ANO4: variants seen among roughly 807,000 people sequenced by gnomAD.
ANO4 encodes anoctamin 4, also known as anoctamin-4.
Under a neutral mutation model 141.9 loss-of-function variants are expected in ANO4, and 69 were observed. The ratio of observed to expected loss-of-function variants is 0.49; its 90% CI spans 0.40 to 0.59. The LOEUF is 0.59. Ranked by LOEUF, ANO4 falls within the 20% of genes least tolerant of loss-of-function variation. The pLI, the probability that ANO4 is intolerant of heterozygous loss-of-function variation, is 0.00. For missense variants in ANO4, 894 were observed against 1,162.2 expected (o/e 0.77, Z 3.36); for synonymous variants, 350 against 394.3 (o/e 0.89, Z 1.33).
rs780211110 is a variant in ANO4 at position 101,040,034 on chromosome 12, C to T, written c.977C>T (p.Ser326Phe). 2 of 1,612,798 alleles carry T rather than the reference C, an allele frequency of 1.2e-6. No homozygotes were observed. Among genetic ancestry groups the T allele is most frequent in the East Asian group, 2.2e-5 (1 of 44,862 alleles). ...CATCTACTCTATGAGTGCTGGGCCTCCTGGGGCGTGTGGTATAAATACCAA... is the reference window on the plus strand; with the variant it reads ...CATCTACTCTATGAGTGCTGGGCCTTCTGGGGCGTGTGGTATAAATACCAA... ...HRHLLYECWA[S>F]WGVWYKYQPL... is the part of the protein sequence containing the mutation. The change falls in exon 11 of 28, where the codon TCC (serine) becomes TTC (phenylalanine). Residue 326 changes from serine to phenylalanine, a missense_variant. By Grantham distance (155) the Ser-to-Phe change is radical. Transcript: ENST00000392977.
intron 3 of ANO4, among the ~76,000 whole-genome samples, chr12:100,926,272 G>T (rs1043131893): frequency 6.6e-6 from 1 of 152,036 alleles, no homozygotes; most frequent in Non-Finnish European, 1.5e-5. Context: ...ATCTTTTAGT[G>T]TGCATACCCT....
chr12:100,832,150 AC>A (rs1326755313), intron 1 of ANO4, among the ~76,000 whole-genome samples: 1 of 151,716 alleles, frequency 6.6e-6, no homozygotes, highest in African/African-American at 2.4e-5. Context: ...CTCATTCCCC[AC>A]CCCCCAATCC....
chr12:100,904,922 G>A (rs968213328), intron 2 of ANO4, among the ~76,000 whole-genome samples: 1 of 152,186 alleles, frequency 6.6e-6, no homozygotes. Context: ...TGAGAATTTA[G>A]AGTCTGGATA....
chr12:100,772,680 G>A (rs752080127), intron 3 of ANO4, among the ~76,000 whole-genome samples: 3 of 152,124 alleles, frequency 2.0e-5, no homozygotes, highest in African/African-American at 2.4e-5. Context: ...ACTACCAACC[G>A]ATTAAGTAGA....
At chr12:100,754,975 C>A (rs2032546706) in intron 3 of ANO4, among the ~76,000 whole-genome samples, 1 of 152,132 alleles carries the variant, frequency 6.6e-6, no homozygotes. Context: ...TGTTTTGGAA[C>A]TGGGTAGTGA....
chr12:100,869,497 T>A (rs2038927928), intron 1 of ANO4, among the ~76,000 whole-genome samples: 1 of 152,170 alleles, frequency 6.6e-6, no homozygotes. Context: ...TTCATATTTG[T>A]CCGTGTCTGC....
chr12:101,056,484 G>A (rs1296601122), intron 14 of ANO4, among the ~76,000 whole-genome samples: 1 of 151,956 alleles, frequency 6.6e-6, no homozygotes, highest in Admixed American at 6.6e-5. Context: ...AGTGCTTCTA[G>A]CTTTTTTATA....
chr12:100,765,277 G>A (rs1049224809), intron 3 of ANO4, among the ~76,000 whole-genome samples: 4 of 151,650 alleles, frequency 2.6e-5, no homozygotes, highest in Non-Finnish European at 4.4e-5. Context: ...CTGTGGTCTT[G>A]GTCCTGATAC....
intron 17 of ANO4, among the ~76,000 whole-genome samples, chr12:101,092,627 G>A (rs1351734949): frequency 1.3e-5 from 2 of 152,094 alleles, no homozygotes; most frequent in Non-Finnish European, 2.9e-5. Context: ...ATATGAAGTA[G>A]TCACAGATGC....
At chr12:101,100,315 A>G (rs2050142357) in intron 22 of ANO4, among the ~76,000 whole-genome samples, 1 of 152,148 alleles carries the variant, frequency 6.6e-6, no homozygotes, top group Non-Finnish European at 1.5e-5. Flanking sequence ...TTAAGCTCTA[A>G]CATAGGAGTG....
At chr12:100,724,484 T>C (rs139154115) in intron 1 of ANO4, among the ~76,000 whole-genome samples, 98 of 152,306 alleles carry the variant, frequency 6.4e-4, no homozygotes, top group African/African-American at 2.2e-3. Context: ...TCAACTAGTA[T>C]CTCTCCTGCC....
At chr12:100,811,635 C>A (rs1236086047) in intron 1 of ANO4, among the ~76,000 whole-genome samples, 1 of 152,152 alleles carries the variant, frequency 6.6e-6, no homozygotes, top group East Asian at 1.9e-4. Context: ...GAAATCAGAA[C>A]TGAATGAGAG....
At chr12:101,098,052 G>A (rs571689211) in intron 21 of ANO4, 107 bp downstream of exon 21, 21 of 954,008 alleles carry the variant, frequency 2.2e-5, no homozygotes, top group Admixed American at 1.5e-4. Flanking sequence ...AAGCCAGTGC[G>A]TGCACCTGGA....
At chr12:101,015,756 A>C (rs1421426874) in intron 8 of ANO4, among the ~76,000 whole-genome samples, 1 of 152,112 alleles carries the variant, frequency 6.6e-6, no homozygotes, top group East Asian at 1.9e-4. Flanking sequence ...AGTGGATATG[A>C]GTTTACAAGC....
intron 1 of ANO4, among the ~76,000 whole-genome samples, chr12:100,811,965 C>A (rs1269689930): frequency 6.6e-6 from 1 of 152,120 alleles, no homozygotes; most frequent in African/African-American, 2.4e-5. Flanking sequence ...TGTCATAGTG[C>A]TAATGATATA....
intron 3 of ANO4, among the ~76,000 whole-genome samples, chr12:100,935,122 T>C (rs921917969): frequency 1.3e-5 from 2 of 152,160 alleles, no homozygotes; most frequent in African/African-American, 4.8e-5. Flanking sequence ...GAACTTCCAA[T>C]ACAATGTTGA....
At chr12:100,953,474 C>T (rs1050131927) in intron 5 of ANO4, among the ~76,000 whole-genome samples, 1 of 152,338 alleles carries the variant, frequency 6.6e-6, no homozygotes, top group East Asian at 1.9e-4. Context: ...AGGGCCCTGG[C>T]TTAGCTCACT....
rs143645266 is a variant in ANO4 at position 100,896,753 on chromosome 12, A to G, written c.-140-4893A>G. ...AAACGAAAGCCAAAGCAAGAGTTTAAAAACAGATGAGCAGAGGCAATGGTA... is the reference window on the plus strand; with the variant it reads ...AAACGAAAGCCAAAGCAAGAGTTTAGAAACAGATGAGCAGAGGCAATGGTA... On this transcript the variant is annotated intron_variant, in intron 1 of 27. Transcript: ENST00000392977. 1.9e-3 allele frequency among the ~76,000 whole-genome samples: 290 copies of G among 152,318 alleles called. 2 individuals carry two copies. The highest frequency in any genetic ancestry group is 6.7e-3 in the African/African-American group (278 of 41,568).
chr12:100,935,382 G>T lies in ANO4; in HGVS notation c.161-3933G>T, dbSNP rs544307428. On this transcript the variant is annotated intron_variant, in intron 3 of 27. Transcript: ENST00000392977. ...TTTTTGTCGTTGATTCTGTTTATGTGATGGATTAAGTTTATTGTTTTGCAT... is the reference window on the plus strand; with the variant it reads ...TTTTTGTCGTTGATTCTGTTTATGTTATGGATTAAGTTTATTGTTTTGCAT... Among the ~76,000 whole-genome samples the T allele has an allele frequency of 9.9e-4, 150 of 152,276 alleles. 1 individual carries two copies. Among genetic ancestry groups the T allele is most frequent in the Middle Eastern group, 3.4e-3 (1 of 294 alleles).
Sources: gnomAD v4.1 joint callset for allele counts (sites outside exome capture counted in the v4.1 genomes callset) on GRCh38, gnomAD v4.1.1 for gene constraint, MANE v1.5 for transcripts, NCBI Gene and HGNC (gene_info 2026-07-23, HGNC 2026-07-21) for gene names.